The following LRRC42 variants were observed in gnomAD, a reference collection of about 807,000 sequenced individuals.
LRRC42 encodes leucine rich repeat containing 42.
In LRRC42, 43 loss-of-function variants were observed where a neutral mutation model predicts 44.3. The observed-to-expected ratio is 0.97, with a 90% CI of 0.76 to 1.25. The LOEUF (loss-of-function observed/expected upper bound fraction) is 1.25, where lower values mean the gene tolerates loss of function less well. LRRC42 is among the 50% of genes most tolerant of loss of function. The probability of loss-of-function intolerance (pLI) is 0.00; values close to 1 mark genes in which losing one functional copy is unlikely to be tolerated. For synonymous variants in LRRC42, 207 were observed against 195.2 expected, an observed-to-expected ratio of 1.06 and a Z score of -0.50; for missense variants, 540 against 509.1, an observed-to-expected ratio of 1.06 and a Z score of -0.58.
At chr1:53,950,722 A>C (rs1654652000) in intron 2 of LRRC42, among the ~76,000 whole-genome samples, 1 of 152,216 alleles carries the variant, frequency 6.6e-6, no homozygotes, top group Non-Finnish European at 1.5e-5. Flanking sequence ...GTATTTTGAA[A>C]TCTCATGGTT....
chr1:53,966,977 A>G (rs1182334683), intron 8 of LRRC42, among the ~76,000 whole-genome samples: 1 of 152,152 alleles, frequency 6.6e-6, no homozygotes. Flanking sequence ...ATAGGTACAG[A>G]GTTTCATTTG....
At chr1:53,949,216 C>T (rs1654605241) in intron 2 of LRRC42, among the ~76,000 whole-genome samples, 1 of 152,098 alleles carries the variant, frequency 6.6e-6, no homozygotes. Flanking sequence ...CTGCTTGTGC[C>T]CTCTGCTGGA....
At chr1:53,959,829 A>G (rs1654945928) in intron 4 of LRRC42, among the ~76,000 whole-genome samples, 3 of 152,184 alleles carry the variant, frequency 2.0e-5, no homozygotes, top group African/African-American at 4.8e-5. Context: ...TCATTCAACA[A>G]TATACCTTTA....
In LRRC42 at chr1:53,967,905, C is replaced by T. The variant is rs747702445; in HGVS notation, c.1253C>T (p.Ala418Val). 1.1e-5 allele frequency: 18 copies of T among 1,614,096 alleles called. No homozygotes were observed. The East Asian group carries it at 1.8e-4, about 16-fold the overall frequency. Residue 418 changes from alanine to valine, a missense_variant, in exon 9 of 9, where the codon GCT becomes GTT. Ala to Val is a moderately conservative substitution (Grantham distance 64). Coordinates refer to ENST00000371370, the MANE Select transcript of LRRC42 (RefSeq NM_001256409.2). ...QPSKQKYVCL[A>V]VEDWDLLNSY ...TCAAAGCAGAAATATGTATGTCTTG[C>T]TGTGGAAGACTGGGACTTGTTAAAT...
intron 3 of LRRC42, among the ~76,000 whole-genome samples, chr1:53,953,798 C>G (rs1176954148): frequency 1.3e-5 from 2 of 151,608 alleles, no homozygotes; most frequent in African/African-American, 4.9e-5. Context: ...ATGGCGCGAT[C>G]TCAGCTCACT....
At chr1:53,952,821 AGTTTTTGGGCCT>A (rs758842330) in intron 3 of LRRC42, among the ~76,000 whole-genome samples, 1 of 152,222 alleles carries the variant, frequency 6.6e-6, no homozygotes, top group Admixed American at 6.5e-5. Context: ...TAGTACCCAG[AGTTTTTGGGCCT>A]GTTTTTGGTT....
chr1:53,952,564 C>G, intron 3 of LRRC42, 92 bp downstream of exon 3: 5 of 995,444 alleles, frequency 5.0e-6, no homozygotes, highest in Non-Finnish European at 7.3e-6. Flanking sequence ...CTTCCCTCAT[C>G]AAATAGCACT....
intron 5 of LRRC42, among the ~76,000 whole-genome samples, chr1:53,960,958 A>G (rs1353815477): frequency 2.0e-5 from 3 of 152,188 alleles, no homozygotes; most frequent in African/African-American, 7.2e-5. Context: ...CATTGACTCT[A>G]TGGCAGGACA....
intron 7 of LRRC42, among the ~76,000 whole-genome samples, chr1:53,965,020 TTTG>T (rs1470510526): frequency 6.9e-5 from 10 of 143,920 alleles, no homozygotes; most frequent in South Asian, 2.2e-4. Context: ...TTTTTTTTTT[TTTG>T]GAGACAGAGT....
intron 4 of LRRC42, among the ~76,000 whole-genome samples, chr1:53,958,730 G>A (rs1654914544): frequency 2.0e-5 from 3 of 151,994 alleles, no homozygotes; most frequent in Admixed American, 2.0e-4. Context: ...GGGATTACAG[G>A]CATGCACCAC....
At chr1:53,960,508 T>C in intron 5 of LRRC42, 34 bp downstream of exon 5, 1 of 1,445,350 alleles carries the variant, frequency 6.9e-7, no homozygotes, top group Non-Finnish European at 9.7e-7. Context: ...ATTATTTTAA[T>C]GTTGGAAGAA....
chr1:53,967,647 C>T lies in LRRC42; in HGVS notation c.1013-18C>T, dbSNP rs2100935116. On this transcript the variant is annotated intron_variant, in intron 8 of 8. Coordinates refer to ENST00000371370, the MANE Select transcript of LRRC42 (RefSeq NM_001256409.2). ...TATGCCAGTGTAGTGAACTCATCATCCCTCCCTTCTGTCACAGATGGGAAG... is the reference window on the plus strand; with the variant it reads ...TATGCCAGTGTAGTGAACTCATCATTCCTCCCTTCTGTCACAGATGGGAAG... 1.9e-6 allele frequency: 3 copies of T among 1,611,162 alleles called. No homozygotes were observed. The highest frequency in any genetic ancestry group is 1.7e-4 in the Middle Eastern group (1 of 6,044).
intron 3 of LRRC42, among the ~76,000 whole-genome samples, chr1:53,956,351 A>G (rs978793807): frequency 2.0e-5 from 3 of 152,206 alleles, no homozygotes; most frequent in African/African-American, 7.2e-5. Context: ...TGTTTTCCTT[A>G]AAATATCACT....
At chr1:53,964,998 GTTTTTTTTTGT>G (rs1364374526) in intron 7 of LRRC42, among the ~76,000 whole-genome samples, 5 of 131,850 alleles carry the variant, frequency 3.8e-5, no homozygotes, top group African/African-American at 1.4e-4. Context: ...GAACTGTATT[GTTTTTTTTTGT>G]TTTTTTTTTT....
At position 53,960,358 on chromosome 1, in the gene LRRC42, TAACTC is replaced by T. The variant is rs1332108370; in HGVS notation, c.610_614del (p.Thr204AlafsTer6). The stretch of plus-strand genomic sequence containing the variant: ...ATGTATGTACTTTGTTTCCCTAGTG[TAACTC>T]AGCTCCACCTGAAGGATAATTGTTT... On this transcript the variant is annotated frameshift_variant, in exon 5 of 9. Coordinates refer to ENST00000371370, the MANE Select transcript of LRRC42 (RefSeq NM_001256409.2). LOFTEE classifies it high-confidence loss of function. 1 of 1,609,200 alleles carries T rather than the reference TAACTC, an allele frequency of 6.2e-7. No individual in the cohort carries two copies. The highest frequency in any genetic ancestry group is 1.7e-5 in the Admixed American group (1 of 59,008).
rs1289115952 is a variant in LRRC42 at position 53,962,057 on chromosome 1, G to A, written c.748G>A (p.Gly250Ser). The change falls in exon 6 of 9, where the codon GGC becomes AGC. Residue 250 changes from glycine to serine, a missense_variant. Transcript: ENST00000371370. Reference sequence around the variant, plus strand: ...AGGTAACCCTGAGATCACAGATGCAGGCATTGGATACCTCTTTTCTTTTAG... The same window carrying A: ...AGGTAACCCTGAGATCACAGATGCAAGCATTGGATACCTCTTTTCTTTTAG... Reference protein sequence around the residue: ...LSCNPEITDAGIGYLFSFRKL... With the variant: ...LSCNPEITDASIGYLFSFRKL... 6.2e-7 allele frequency: 1 copy of A among 1,613,610 alleles called. No homozygotes were observed. Among genetic ancestry groups the A allele is most frequent in the African/African-American group, 1.3e-5 (1 of 74,910 alleles).
rs1231506104 is a variant in LRRC42 at position 53,962,129 on chromosome 1, CT to C, written c.813+11del. The C allele has an allele frequency of 1.9e-6, 3 of 1,605,282 alleles. No homozygotes were observed. Among genetic ancestry groups the C allele is most frequent in the East Asian group, 2.2e-5 (1 of 44,818 alleles). On this transcript the variant is annotated splice_region_variant and intron_variant, in intron 6 of 8. Transcript: ENST00000371370. ...CTCTGGGACAGGGCTCAAGGTAAGA[CT>C]TTTGGTTCCTTCTCTCATTTTTCTA...
rs913803890 is a variant in LRRC42 at position 53,946,502 on chromosome 1, G to A, written c.-96G>A. ...CCGTCAGCCGGGCCGCGGGAGGAGG[G>A]AGCCGTCACCGAGGAGCTGCCGCTC... On this transcript the variant is annotated 5_prime_UTR_variant, in exon 1 of 9. Transcript: ENST00000371370. The A allele has an allele frequency of 6.6e-6, 1 of 152,116 alleles. No homozygotes were observed. The highest frequency in any genetic ancestry group is 1.5e-5 in the Non-Finnish European group (1 of 68,060). The allele number at this position is 152,116 out of a possible 1,614,324, so 9.4% of individuals were successfully genotyped here. A position where few individuals can be genotyped will look rare whatever the true frequency, so the allele number is the denominator to read the frequency against.
intron 7 of LRRC42, among the ~76,000 whole-genome samples, chr1:53,966,017 C>T (rs1655120674): frequency 6.6e-6 from 1 of 152,108 alleles, no homozygotes; most frequent in Admixed American, 6.6e-5. Context: ...TTATTTCCAG[C>T]TTGGAATAAA....
Sources: gnomAD v4.1 joint callset for allele counts (sites outside exome capture counted in the v4.1 genomes callset) on GRCh38, gnomAD v4.1.1 for gene constraint, MANE v1.5 for transcripts, NCBI Gene and HGNC (gene_info 2026-07-23, HGNC 2026-07-21) for gene names.